QSOX2: variants seen among roughly 807,000 people sequenced by gnomAD.
QSOX2 encodes the protein sulfhydryl oxidase 2.
A neutral mutation model predicts 61.7 loss-of-function variants in QSOX2; 46 were observed. That is an observed-to-expected ratio of 0.75 (90% confidence interval 0.59 to 0.95). QSOX2 has a LOEUF of 0.95. QSOX2 is among the 40% of genes least tolerant of loss of function. The probability of loss-of-function intolerance (pLI) is 0.00; values close to 1 mark genes in which losing one functional copy is unlikely to be tolerated. For synonymous variants in QSOX2, 383 were observed against 388.4 expected, an observed-to-expected ratio of 0.99 and a Z score of 0.16; for missense variants, 879 against 918.9, an observed-to-expected ratio of 0.96 and a Z score of 0.56.
chr9:136,209,334 A>C lies in QSOX2; in HGVS notation c.1550-59T>G. On this transcript the variant is annotated intron_variant, in intron 11 of 11. Coordinates refer to ENST00000358701, the MANE Select transcript of QSOX2 (RefSeq NM_181701.4). This position sits in a 1 kb window ranked among gnomAD's most constrained non-coding sequence, Gnocchi z 5.6. ...AAGGAGGCTTTGTGCAGCCACGTGC[A>C]GCGTGCGGCAACCGGACTCCCACTC... 1 of 1,564,736 alleles carries C rather than the reference A, an allele frequency of 6.4e-7. No homozygotes were observed. Among genetic ancestry groups the C allele is most frequent in the Non-Finnish European group, 8.7e-7 (1 of 1,153,254 alleles).
chr9:136,224,870 T>C lies in QSOX2; in HGVS notation c.469A>G (p.Asn157Asp), dbSNP rs1222770886. Residue 157 changes from asparagine to aspartate, a missense_variant, in exon 3 of 12, where the codon AAT becomes GAT. Transcript: ENST00000358701. ...AFTKEFTTGENFKGPDRELRT... is the reference protein window; with the variant it reads ...AFTKEFTTGEDFKGPDRELRT... Reference sequence around the variant, plus strand: ...ATGCTTATGTCCTTACCTTTAAAATTTTCTCCAGTTGTAAACTCCTTTGTA... The same window carrying C: ...ATGCTTATGTCCTTACCTTTAAAATCTTCTCCAGTTGTAAACTCCTTTGTA... The C allele has an allele frequency of 1.9e-6, 3 of 1,599,182 alleles. No individual in the cohort carries two copies. The South Asian group carries it at 3.3e-5, about 18-fold the overall frequency.
intron 10 of QSOX2, among the ~76,000 whole-genome samples, chr9:136,213,807 G>C (rs1175235834): frequency 2.0e-5 from 3 of 152,166 alleles, no homozygotes; most frequent in Non-Finnish European, 4.4e-5. Context: ...TACTTGGTGG[G>C]GAAGCCACGT....
intron 8 of QSOX2, among the ~76,000 whole-genome samples, chr9:136,218,233 C>T (rs1831936377): frequency 6.6e-6 from 1 of 152,192 alleles, no homozygotes; most frequent in Non-Finnish European, 1.5e-5. Context: ...GAGCGTGAAG[C>T]TCCCAGGACC....
intron 10 of QSOX2, 80 bp downstream of exon 10, chr9:136,215,074 T>C: frequency 6.6e-7 from 1 of 1,520,368 alleles, no homozygotes; most frequent in Non-Finnish European, 8.9e-7. Context: ...CATACAGCAG[T>C]ACATGCCTTT....
chr9:136,222,029 C>A lies in QSOX2; in HGVS notation c.676-88G>T. ...TGCAGACACATGGCCTTGCAGGGAACCTTTCACAAAAGGGCATGAAGTCTG... is the reference window on the plus strand; with the variant it reads ...TGCAGACACATGGCCTTGCAGGGAAACTTTCACAAAAGGGCATGAAGTCTG... On this transcript the variant is annotated intron_variant, in intron 5 of 11. Transcript: ENST00000358701. The surrounding 1 kb of genome is among the most constrained non-coding windows in gnomAD (Gnocchi z 6.9). 4 of 1,356,806 alleles carry A rather than the reference C, an allele frequency of 2.9e-6. No individual in the cohort carries two copies. Among genetic ancestry groups the A allele is most frequent in the African/African-American group, 1.5e-5 (1 of 67,314 alleles). 84.0% of individuals were successfully genotyped at this position (1,356,806 alleles called of 1,614,324 possible).
intron 6 of QSOX2, among the ~76,000 whole-genome samples, chr9:136,219,760 A>G (rs1280385323): frequency 6.6e-6 from 1 of 152,262 alleles, no homozygotes; most frequent in Non-Finnish European, 1.5e-5. Flanking sequence ...TTCCAAAGAC[A>G]GAATGTAGCA....
At position 136,216,736 on chromosome 9, in the gene QSOX2, G is replaced by C. The variant is rs774539125; in HGVS notation, c.1087-14C>G. 6.2e-7 allele frequency: 1 copy of C among 1,612,594 alleles called. No individual in the cohort carries two copies. On this transcript the variant is annotated splice_polypyrimidine_tract_variant and intron_variant, in intron 8 of 11. Transcript: ENST00000358701. Reference sequence around the variant, plus strand: ...TCCAGGGAACAGCTGCATGAGGAAGGAGCCACCTGAGAGCTACAGACCCAA... The same window carrying C: ...TCCAGGGAACAGCTGCATGAGGAAGCAGCCACCTGAGAGCTACAGACCCAA...
intron 2 of QSOX2, among the ~76,000 whole-genome samples, chr9:136,225,839 G>A (rs1215209705): frequency 6.6e-6 from 1 of 152,264 alleles, no homozygotes; most frequent in Non-Finnish European, 1.5e-5. Context: ...GTAACAGAAA[G>A]AGGGCCCGAA....
chr9:136,228,278 T>G (rs1047958187), intron 1 of QSOX2, among the ~76,000 whole-genome samples: 1 of 152,178 alleles, frequency 6.6e-6, no homozygotes. Context: ...CGTTTGCTCA[T>G]GATGAGCTGG....
chr9:136,235,788 C>CT (rs1830375877), intron 1 of QSOX2, among the ~76,000 whole-genome samples: 1 of 152,152 alleles, frequency 6.6e-6, no homozygotes. Context: ...CAGTGGTGGC[C>CT]AAGGCTGAGC....
rs548075912 is a variant in QSOX2, at chr9:136,211,189, G to T, written c.1549+75C>A. On this transcript the variant is annotated intron_variant, in intron 11 of 11. Coordinates refer to ENST00000358701, the MANE Select transcript of QSOX2 (RefSeq NM_181701.4). ...CTCAGGGACAAGCCCCACGGCAGCC[G>T]TGCCGTCCTTGCTGTCCCAGGACCA... is the stretch of plus-strand genomic sequence containing the variant. 5.5e-5 allele frequency: 81 copies of T among 1,481,022 alleles called. No individual in the cohort carries two copies. In the Admixed American group the frequency reaches 1.4e-3, roughly 25 times the overall value. 91.7% of individuals were successfully genotyped at this position (1,481,022 alleles called of 1,614,324 possible). A position where few individuals can be genotyped will look rare whatever the true frequency, so the allele number is the denominator to read the frequency against.
intron 11 of QSOX2, 106 bp downstream of exon 11, chr9:136,211,158 G>A (rs117731807): frequency 3.3e-4 from 416 of 1,260,852 alleles, no homozygotes; most frequent in Non-Finnish European, 3.8e-4. Flanking sequence ...GCACGAGGCC[G>A]CAAAGCTCAG....
At position 136,229,557 on chromosome 9, in the gene QSOX2, CAA is replaced by C. The variant is rs1830312063; in HGVS notation, c.329-2685_329-2684del. ...TGCCCAGAAAGAACATGTAACAAAA[CAA>C]AAAGTTGCTCTGAGAGCCCAGACTG... On this transcript the variant is annotated intron_variant, in intron 1 of 11. Coordinates refer to ENST00000358701, the MANE Select transcript of QSOX2 (RefSeq NM_181701.4). Among the ~76,000 whole-genome samples, 6 of 152,080 alleles carry C rather than the reference CAA, an allele frequency of 3.9e-5. No individual in the cohort carries two copies. In the South Asian group the frequency reaches 8.3e-4, roughly 21 times the overall value.
chr9:136,208,950 C>A lies in QSOX2; in HGVS notation c.1875G>T (p.Leu625Phe). 1 of 1,613,650 alleles carries A rather than the reference C, an allele frequency of 6.2e-7. No homozygotes were observed. The highest frequency in any genetic ancestry group is 1.3e-5 in the African/African-American group (1 of 75,018). The change falls in exon 12 of 12, where the codon TTG (leucine) becomes TTT (phenylalanine). Residue 625 changes from leucine (L) to phenylalanine (F), a missense_variant. By Grantham distance (22) the Leu-to-Phe change is conservative (BLOSUM62 0). Transcript: ENST00000358701. ...GGAGTTTCCCGTCCAAGCTGTGATG[C>A]AAGCTCTCTGGAAGGGCAGGCCTGG... ...LGPRPALPES[L>F]HHSLDGKLQS...
intron 1 of QSOX2, among the ~76,000 whole-genome samples, chr9:136,235,203 G>A (rs1356480080): frequency 1.3e-5 from 2 of 152,266 alleles, no homozygotes; most frequent in African/African-American, 4.8e-5. Context: ...CCCAAGGGCA[G>A]TGTGAGGATC....
chr9:136,207,438 A>G lies in QSOX2; in HGVS notation c.*1290T>C, dbSNP rs1831782029. Reference sequence around the variant, plus strand: ...ATACATCTGAGCCTATTTTAGCCAAATCAAATTTTGCCTGTGAGACACACC... The same window carrying G: ...ATACATCTGAGCCTATTTTAGCCAAGTCAAATTTTGCCTGTGAGACACACC... On this transcript the variant is annotated 3_prime_UTR_variant, in exon 12 of 12. Coordinates refer to ENST00000358701, the MANE Select transcript of QSOX2 (RefSeq NM_181701.4). 6.6e-6 allele frequency: 1 copy of G among 152,160 alleles called. No homozygotes were observed. Among genetic ancestry groups the G allele is most frequent in the African/African-American group, 2.4e-5 (1 of 41,308 alleles). The allele number at this position is 152,160 out of a possible 1,614,324, so 9.4% of individuals were successfully genotyped here.
In QSOX2 at chr9:136,221,252, G is replaced by A. The variant is rs959358792; in HGVS notation, c.821+544C>T. Among the ~76,000 whole-genome samples the A allele has an allele frequency of 1.3e-5, 2 of 151,150 alleles. No individual in the cohort carries two copies. Among genetic ancestry groups the A allele is most frequent in the African/African-American group, 4.9e-5 (2 of 40,962 alleles). On this transcript the variant is annotated intron_variant, in intron 6 of 11. Transcript: ENST00000358701. The surrounding 1 kb of genome is among the most constrained non-coding windows in gnomAD (Gnocchi z 4.5). ...ACAGGCACCCCACGCAGGGGCGAAG[G>A]GCTTATCCTCATGAGGGGCACACGG...
intron 6 of QSOX2, among the ~76,000 whole-genome samples, chr9:136,220,544 G>A (rs1246833684): frequency 6.6e-6 from 1 of 152,106 alleles, no homozygotes; most frequent in African/African-American, 2.4e-5. Context: ...GCACATGCTG[G>A]AAGCCTGCAG....
At chr9:136,243,477 A>G (rs920226500) in intron 1 of QSOX2, among the ~76,000 whole-genome samples, 16 of 152,134 alleles carry the variant, frequency 1.1e-4, no homozygotes, top group Non-Finnish European at 2.2e-4. Flanking sequence ...AACTCTTTCA[A>G]TCAATTGCCA....
Sources: allele counts gnomAD v4.1 joint callset (sites outside exome capture counted in the v4.1 genomes callset), GRCh38; gene constraint gnomAD v4.1.1; non-coding constraint Gnocchi (gnomAD v3.1); transcripts MANE v1.5; gene names NCBI Gene and HGNC (gene_info 2026-07-23, HGNC 2026-07-21).